Variants in PDE4DIP observed in about 807,000 individuals in gnomAD.
PDE4DIP encodes myomegalin.
In PDE4DIP, 59 loss-of-function variants were observed where a neutral mutation model predicts 221.4. That is an observed-to-expected ratio of 0.27 (90% CI 0.22 to 0.33). The LOEUF is 0.33. Among genes scored for constraint, PDE4DIP ranks in the 10% least tolerant of loss-of-function variants. The probability of loss-of-function intolerance (pLI) is 1.00; values close to 1 mark genes in which losing one functional copy is unlikely to be tolerated. For synonymous variants in PDE4DIP, 404 were observed against 815.9 expected (o/e 0.50, Z 8.60); for missense variants, 1,036 against 2,154.2 (o/e 0.48, Z 10.28).
At chr1:149,032,076 T>G (rs1553638970) in exon 44 of PDE4DIP, 1 of 1,607,832 alleles carries the variant, frequency 6.2e-7, no homozygotes, top group African/African-American at 1.3e-5. Flanking sequence ...TTTGTGCAGC[T>G]ACCTATCTGC....
chr1:148,979,791 T>C, exon 20 of PDE4DIP: 1 of 1,613,714 alleles, frequency 6.2e-7, no homozygotes, highest in East Asian at 2.2e-5. Flanking sequence ...CAATGAGGCC[T>C]TACAAGCAGA....
intron 19 of PDE4DIP, 52 bp downstream of exon 22, chr1:148,978,467 C>CTTTT: frequency 3.1e-6 from 3 of 963,756 alleles, no homozygotes; most frequent in Non-Finnish European, 4.4e-6. Context: ...TTTTTGTATT[C>CTTTT]TTTTTTTTTT....
intron 5 of PDE4DIP, chr1:148,953,095 C>T (rs782587065): frequency 6.2e-7 from 1 of 1,614,002 alleles, no homozygotes. Flanking sequence ...ATGACTCTGG[C>T]GCGGAGATCA....
At chr1:148,953,547 A>G in intron 5 of PDE4DIP, 1 of 1,614,192 alleles carries the variant, frequency 6.2e-7, no homozygotes. Context: ...CCTCCACAAC[A>G]GAAAGATGAG....
chr1:148,934,757 C>A (rs1431266803), intron 4 of PDE4DIP, among the ~76,000 whole-genome samples: 13 of 151,896 alleles, frequency 8.6e-5, no homozygotes, highest in Non-Finnish European at 1.8e-4. Context: ...GCGTGCACCA[C>A]CACGCCCAGC....
chr1:148,980,401 GAA>G (rs1553541579), intron 20 of PDE4DIP, among the ~76,000 whole-genome samples: 1 of 151,988 alleles, frequency 6.6e-6, no homozygotes, highest in Non-Finnish European at 1.5e-5. Context: ...CAAAAAAAAA[GAA>G]AAAGAGTAAG....
chr1:148,981,408 G>A lies in PDE4DIP; in HGVS notation c.2815+11G>A, dbSNP rs782789413. ...TGGCCGCCATTGGAGGTGGGGAACT[G>A]GAAAGTGTGCGAATTCATCACAAGC... On this transcript the variant is annotated intron_variant, in intron 21 of 43. Coordinates refer to ENST00000369354, the Ensembl canonical transcript of PDE4DIP. The A allele has an allele frequency of 2.5e-6, 4 of 1,613,902 alleles. No homozygotes were observed. The highest frequency in any genetic ancestry group is 3.4e-6 in the Non-Finnish European group (4 of 1,179,852).
intron 22 of PDE4DIP, among the ~76,000 whole-genome samples, chr1:148,995,916 T>C (rs1463762767): frequency 8.0e-5 from 12 of 150,208 alleles, no homozygotes; most frequent in Non-Finnish European, 1.5e-4. Flanking sequence ...ATAAAAGTTG[T>C]ATATATGTAA....
At chr1:148,865,111 C>T (rs1263448784) in intron 2 of PDE4DIP, among the ~76,000 whole-genome samples, 1 of 141,064 alleles carries the variant, frequency 7.1e-6, no homozygotes, top group African/African-American at 2.8e-5. Flanking sequence ...ATTTTTGAGA[C>T]AGAGTCTTGC....
intron 23 of PDE4DIP, among the ~76,000 whole-genome samples, chr1:148,999,629 CTACT>C (rs2065147966): frequency 6.6e-6 from 1 of 151,442 alleles, no homozygotes; most frequent in Non-Finnish European, 1.5e-5. Context: ...TCCTTAAGTT[CTACT>C]TAAAGCATAT....
chr1:148,988,001 C>G (rs1424363307), intron 21 of PDE4DIP, among the ~76,000 whole-genome samples: 6 of 152,144 alleles, frequency 3.9e-5, no homozygotes, highest in Non-Finnish European at 5.9e-5. Flanking sequence ...GATGATTAGT[C>G]CTTTTTGTAA....
chr1:148,974,982 C>A, intron 17 of PDE4DIP, among the ~76,000 whole-genome samples: 1 of 87,058 alleles, frequency 1.1e-5, no homozygotes, highest in Non-Finnish European at 2.3e-5. Flanking sequence ...ACCAGCCTGG[C>A]CAATATGACG....
At chr1:148,983,021 A>T (rs1226588297) in intron 21 of PDE4DIP, 1 of 152,116 alleles carries the variant, frequency 6.6e-6, no homozygotes, top group East Asian at 1.9e-4. Context: ...CTCTTAATGG[A>T]TCTGCCATTT....
rs782085000 is a variant in PDE4DIP at position 148,978,056 on chromosome 1, C to G, written c.2436+3C>G. On this transcript the variant is annotated splice_donor_region_variant and intron_variant, in intron 18 of 43. Transcript: ENST00000369354. The stretch of plus-strand genomic sequence containing the variant: ...AGATTAAAGAAGATCTCATAAAGGT[C>G]TTTCAAAACTTTTTAAAGACCACTG... The G allele has an allele frequency of 1.9e-5, 30 of 1,610,900 alleles. No individual in the cohort carries two copies. Among genetic ancestry groups the G allele is most frequent in the Non-Finnish European group, 2.5e-5 (30 of 1,178,428 alleles).
intron 1 of PDE4DIP, among the ~76,000 whole-genome samples, chr1:148,820,713 T>TG (rs1668905841): frequency 8.3e-5 from 12 of 144,216 alleles, no homozygotes; most frequent in Admixed American, 4.8e-4. Context: ...TACTTTTTTT[T>TG]TGGGGGGGGG....
chr1:149,029,517 T>A (rs1408368789), intron 41 of PDE4DIP, among the ~76,000 whole-genome samples: 2 of 152,174 alleles, frequency 1.3e-5, no homozygotes, highest in African/African-American at 4.8e-5. Context: ...GTTGGGAGTT[T>A]GATACCAGCC....
intron 5 of PDE4DIP, among the ~76,000 whole-genome samples, chr1:148,959,798 T>G (rs1210406846): frequency 6.6e-6 from 1 of 150,858 alleles, no homozygotes; most frequent in Non-Finnish European, 1.5e-5. Flanking sequence ...ATTATTTATC[T>G]GTGCTTATGC....
rs587608050 is a variant in PDE4DIP at position 149,030,396 on chromosome 1, G to T, written c.6999+118G>T. The T allele has an allele frequency of 2.6e-6, 4 of 1,521,374 alleles. No individual in the cohort carries two copies. In the Admixed American group the frequency reaches 8.2e-5, roughly 31 times the overall value. The allele number at this position is 1,521,374 out of a possible 1,614,324, so 94.2% of individuals were successfully genotyped here. A position where few individuals can be genotyped will look rare whatever the true frequency, so the allele number is the denominator to read the frequency against. On this transcript the variant is annotated intron_variant, in intron 43 of 43. Coordinates refer to ENST00000369354, the Ensembl canonical transcript of PDE4DIP. ...TTTGGCCTTCCAGGAGAAGACTTGGGGTCCACTTGCAAGATCACAGGTCCT... is the reference window on the plus strand; with the variant it reads ...TTTGGCCTTCCAGGAGAAGACTTGGTGTCCACTTGCAAGATCACAGGTCCT...
intron 32 of PDE4DIP, among the ~76,000 whole-genome samples, chr1:149,015,486 CTG>C (rs2070166350): frequency 6.6e-6 from 1 of 152,058 alleles, no homozygotes; most frequent in African/African-American, 2.4e-5. Context: ...TTCTCCTAAA[CTG>C]TGTCTCTGCC....
Sources: gnomAD v4.1 joint callset for allele counts (sites outside exome capture counted in the v4.1 genomes callset) on GRCh38, gnomAD v4.1.1 for gene constraint, MANE v1.5 for transcripts, NCBI Gene and HGNC (gene_info 2026-07-23, HGNC 2026-07-21) for gene names.